GNAT3: variants seen among roughly 807,000 people sequenced by gnomAD.
GNAT3 encodes guanine nucleotide-binding protein G(t) subunit alpha-3.
In GNAT3, 31 loss-of-function variants were observed where a neutral mutation model predicts 37.7. That is an observed-to-expected ratio of 0.82 (90% CI 0.62 to 1.11). The LOEUF (loss-of-function observed/expected upper bound fraction) is 1.11. GNAT3 is among the 50% of genes most tolerant of loss of function. The pLI, the probability that GNAT3 is intolerant of heterozygous loss-of-function variation, is 0.00. For missense variants in GNAT3, 437 were observed against 412.5 expected (o/e 1.06, Z -0.51); for synonymous variants, 138 against 139.8 (o/e 0.99, Z 0.09).
intron 1 of GNAT3, among the ~76,000 whole-genome samples, chr7:80,497,102 G>A (rs1373068653): frequency 6.6e-6 from 1 of 152,118 alleles, no homozygotes; most frequent in African/African-American, 2.4e-5. Context: ...GTTGATAGAT[G>A]CAAAAATCAA....
chr7:80,472,016 GTAGAGCTATAAA>G (rs944714743), intron 5 of GNAT3, among the ~76,000 whole-genome samples: 4 of 152,072 alleles, frequency 2.6e-5, no homozygotes, highest in African/African-American at 4.8e-5. Context: ...AGCACTGGAA[GTAGAGCTATAAA>G]TAGACATGGC....
chr7:80,474,359 C>A lies in GNAT3; in HGVS notation c.482G>T (p.Arg161Ile). Residue 161 changes from arginine (R) to isoleucine (I), a missense_variant, in exon 5 of 8, where the codon AGA (arginine) becomes ATA (isoleucine). Transcript: ENST00000398291. The stretch of plus-strand genomic sequence containing the variant: ...TGGCACATACCCAGATGCTGTTATT[C>A]TATCTAAATCATTAAGGTAGCTAAT... ...SAAYYLNDLD[R>I]ITASGYVPNE... The A allele has an allele frequency of 2.6e-6, 4 of 1,540,888 alleles. No individual in the cohort carries two copies. The highest frequency in any genetic ancestry group is 8.8e-7 in the Non-Finnish European group (1 of 1,138,332).
chr7:80,506,786 C>A (rs1790951363), intron 1 of GNAT3, among the ~76,000 whole-genome samples: 1 of 151,986 alleles, frequency 6.6e-6, no homozygotes, highest in Non-Finnish European at 1.5e-5. Context: ...TTGTTGTGTA[C>A]AACATGGCAT....
At chr7:80,497,647 T>TACGTATATACATAC (rs1790755713) in intron 1 of GNAT3, among the ~76,000 whole-genome samples, 1 of 110,612 alleles carries the variant, frequency 9.0e-6, no homozygotes, top group African/African-American at 4.8e-5. Flanking sequence ...TATATACATA[T>TACGTATATACATAC]ACGTATATAC....
intron 3 of GNAT3, among the ~76,000 whole-genome samples, chr7:80,487,227 C>A (rs1032429252): frequency 6.6e-6 from 1 of 151,948 alleles, no homozygotes; most frequent in Non-Finnish European, 1.5e-5. Context: ...CATAACTGAA[C>A]TACACTTAAA....
chr7:80,478,753 T>C (rs1790343796), intron 4 of GNAT3, 88 bp downstream of exon 4: 1 of 1,301,708 alleles, frequency 7.7e-7, no homozygotes, highest in African/African-American at 1.5e-5. Flanking sequence ...TTTTCCTCAT[T>C]TGAATTTACA....
At position 80,512,028 on chromosome 7, in the gene GNAT3, G is replaced by C; in HGVS notation, c.-102C>G. 1 of 716,272 alleles carries C rather than the reference G, an allele frequency of 1.4e-6. No individual in the cohort carries two copies. The highest frequency in any genetic ancestry group is 2.4e-6 in the Non-Finnish European group (1 of 410,822). 44.4% of individuals were successfully genotyped at this position (716,272 alleles called of 1,614,324 possible). A position where few individuals can be genotyped will look rare whatever the true frequency, so the allele number is the denominator to read the frequency against. On this transcript the variant is annotated 5_prime_UTR_variant, in exon 1 of 8. Transcript: ENST00000398291. ...GAGGCAAGAGTAATGCTCTGCTGAA[G>C]TACCTAGCAGTCCATTCCCTAATGC...
chr7:80,479,025 G>T, intron 3 of GNAT3, 27 bp from the exon 4 acceptor site: 3 of 1,498,212 alleles, frequency 2.0e-6, no homozygotes, highest in Non-Finnish European at 2.7e-6. Context: ...GTGAGAATAA[G>T]TATGTATTAT....
chr7:80,479,044 A>G (rs1182849588), intron 3 of GNAT3, 46 bp from the exon 4 acceptor site: 2 of 1,333,360 alleles, frequency 1.5e-6, no homozygotes, highest in Admixed American at 5.0e-5. Context: ...ATTTGGAATC[A>G]CATATTCTAT....
chr7:80,494,514 A>G, intron 2 of GNAT3, 91 bp downstream of exon 2: 1 of 706,194 alleles, frequency 1.4e-6, no homozygotes, highest in Non-Finnish European at 2.4e-6. Flanking sequence ...AAAGATTGTC[A>G]ATCAGCATTT....
chr7:80,474,453 A>G, intron 4 of GNAT3, 74 bp from the exon 5 acceptor site: 1 of 608,964 alleles, frequency 1.6e-6, no homozygotes, highest in Admixed American at 3.2e-5. Context: ...ATATATACAC[A>G]CATACATACA....
chr7:80,477,958 T>C (rs1790332877), intron 4 of GNAT3, among the ~76,000 whole-genome samples: 1 of 152,232 alleles, frequency 6.6e-6, no homozygotes. Context: ...TTGCCCCAAC[T>C]GGAGTACAGT....
chr7:80,503,997 T>C (rs1414861376), intron 1 of GNAT3, among the ~76,000 whole-genome samples: 1 of 152,116 alleles, frequency 6.6e-6, no homozygotes, highest in Non-Finnish European at 1.5e-5. Flanking sequence ...GATATAAAAT[T>C]GAGGACTGTT....
chr7:80,474,431 ATACATATATG>A, intron 4 of GNAT3, 52 bp from the exon 5 acceptor site: 1 of 792,994 alleles, frequency 1.3e-6, no homozygotes, highest in Admixed American at 2.5e-5. Context: ...ACATAAATAC[ATACATATATG>A]TATATATACA....
At chr7:80,496,409 G>A (rs1239002063) in intron 1 of GNAT3, among the ~76,000 whole-genome samples, 2 of 152,118 alleles carry the variant, frequency 1.3e-5, no homozygotes, top group Admixed American at 6.6e-5. Context: ...GGGATTGTAG[G>A]CATGAGCCAC....
At chr7:80,488,425 A>G (rs1790529534) in intron 3 of GNAT3, 110 bp downstream of exon 3, 2 of 791,454 alleles carry the variant, frequency 2.5e-6, no homozygotes, top group African/African-American at 3.4e-5. Flanking sequence ...TTCATGTTTC[A>G]TATTTTTAAA....
intron 3 of GNAT3, among the ~76,000 whole-genome samples, chr7:80,480,894 G>C (rs1398928141): frequency 1.3e-5 from 2 of 152,004 alleles, no homozygotes; most frequent in South Asian, 4.1e-4. Context: ...TGCCTTAACT[G>C]TCTGGGAATG....
At chr7:80,493,502 G>A (rs1007721032) in intron 2 of GNAT3, among the ~76,000 whole-genome samples, 2 of 152,130 alleles carry the variant, frequency 1.3e-5, no homozygotes, top group African/African-American at 4.8e-5. Flanking sequence ...TGACTGGCAG[G>A]CATCACTCCC....
At chr7:80,467,726 C>G (rs1790148950) in intron 5 of GNAT3, among the ~76,000 whole-genome samples, 1 of 151,984 alleles carries the variant, frequency 6.6e-6, no homozygotes, top group Non-Finnish European at 1.5e-5. Context: ...TGTGACCATT[C>G]TGTGAGAGAC....
Sources: gnomAD v4.1 joint callset for allele counts (sites outside exome capture counted in the v4.1 genomes callset) on GRCh38, gnomAD v4.1.1 for gene constraint, MANE v1.5 for transcripts, NCBI Gene and HGNC (gene_info 2026-07-23, HGNC 2026-07-21) for gene names.